DCAF6: variants seen among roughly 807,000 people sequenced by gnomAD.
DCAF6 encodes DDB1- and CUL4-associated factor 6.
In DCAF6, 54 loss-of-function variants were observed where a neutral mutation model predicts 125.1. The ratio of observed to expected loss-of-function variants is 0.43; its 90% CI spans 0.35 to 0.54. DCAF6 has a LOEUF of 0.54. DCAF6 is among the 20% of genes least tolerant of loss of function. The pLI is 0.01. For missense variants in DCAF6, 934 were observed against 1,161.7 expected (o/e 0.80, Z 2.85); for synonymous variants, 371 against 390.4 (o/e 0.95, Z 0.58).
At chr1:167,965,867 T>C (rs1676337585) in intron 2 of DCAF6, among the ~76,000 whole-genome samples, 1 of 152,160 alleles carries the variant, frequency 6.6e-6, no homozygotes, top group African/African-American at 2.4e-5. Flanking sequence ...ACCTCTGACA[T>C]CAGGTGATCC....
intron 8 of DCAF6, among the ~76,000 whole-genome samples, chr1:168,003,018 TGAAAATA>T (rs1372207269): frequency 2.0e-5 from 3 of 152,162 alleles, no homozygotes; most frequent in African/African-American, 7.2e-5. Context: ...ATAGCACACT[TGAAAATA>T]GAATTAATCT....
the DCAF6 span, among the ~76,000 whole-genome samples, chr1:167,902,396 T>C: frequency 3.9e-5 from 6 of 152,230 alleles, no homozygotes; most frequent in East Asian, 1.9e-4. Context: ...ATATATGTTA[T>C]AGGCTGGGGC....
At chr1:167,939,154 T>A (rs910489391) in intron 1 of DCAF6, among the ~76,000 whole-genome samples, 2 of 152,212 alleles carry the variant, frequency 1.3e-5, no homozygotes, top group Admixed American at 6.5e-5. Flanking sequence ...TTTACACTGT[T>A]ATTCAGCTCT....
At chr1:167,882,513 C>T in the DCAF6 span, among the ~76,000 whole-genome samples, 44 of 145,458 alleles carry the variant, frequency 3.0e-4, no homozygotes, top group African/African-American at 1.1e-3. Flanking sequence ...AAGAACAGAG[C>T]GAAAACACCT....
At chr1:167,920,524 C>G in the DCAF6 span, 3 of 1,606,840 alleles carry the variant, frequency 1.9e-6, no homozygotes, top group Non-Finnish European at 1.7e-6. Context: ...ACAAGAAACA[C>G]AGAAGATATT....
intron 11 of DCAF6, among the ~76,000 whole-genome samples, chr1:168,019,151 T>G (rs1571963422): frequency 6.6e-6 from 1 of 151,464 alleles, no homozygotes; most frequent in Middle Eastern, 3.4e-3. Context: ...CGGGTTCAAG[T>G]GATTCTCTTG....
intron 11 of DCAF6, 136 bp from the exon 12 acceptor site, chr1:168,022,852 C>A: frequency 1.3e-6 from 1 of 761,166 alleles, no homozygotes. Context: ...TTACTCACTG[C>A]TTGGGAATCA....
In DCAF6 at chr1:168,038,285, C is replaced by G. The variant is rs139688445; in HGVS notation, c.1610-86C>G. 1.8e-4 allele frequency: 175 copies of G among 962,238 alleles called. 1 individual carries two copies. In the East Asian group the frequency reaches 4.4e-3, roughly 24 times the overall value. 59.6% of individuals were successfully genotyped at this position (962,238 alleles called of 1,614,324 possible). A position where few individuals can be genotyped will look rare whatever the true frequency, so the allele number is the denominator to read the frequency against. ...AAAAAAGAATTATGACAAGGACAAC[C>G]TAATATAAGTTTTATAAATTTTAGG... On this transcript the variant is annotated intron_variant, in intron 12 of 21. Coordinates refer to ENST00000367840, the MANE Select transcript of DCAF6 (RefSeq NM_001198956.2).
chr1:167,899,231 C>T, the DCAF6 span, among the ~76,000 whole-genome samples: 1 of 152,206 alleles, frequency 6.6e-6, no homozygotes, highest in African/African-American at 2.4e-5. Flanking sequence ...ATTTCCTCCT[C>T]AAGCTCACCA....
chr1:167,880,734 T>C, the DCAF6 span: 2 of 742,294 alleles, frequency 2.7e-6, no homozygotes, highest in Non-Finnish European at 4.9e-6. Context: ...TCATGATTTC[T>C]CTCACAGTAT....
the DCAF6 span, among the ~76,000 whole-genome samples, chr1:167,867,031 C>T: frequency 6.6e-6 from 1 of 152,200 alleles, no homozygotes; most frequent in African/African-American, 2.4e-5. Flanking sequence ...CTAATGAATG[C>T]TAGACTAACT....
chr1:167,885,279 ATTTCT>A, the DCAF6 span, among the ~76,000 whole-genome samples: 2 of 152,060 alleles, frequency 1.3e-5, no homozygotes, highest in African/African-American at 4.8e-5. Flanking sequence ...CAATATATTG[ATTTCT>A]TTTCTTTTGA....
upstream of DCAF6, chr1:167,935,675 C>A: frequency 2.1e-6 from 3 of 1,426,854 alleles, no homozygotes; most frequent in Non-Finnish European, 2.9e-6. Flanking sequence ...TCTAAAAGGT[C>A]CATTTTAGAG....
chr1:167,925,052 T>C, the DCAF6 span, among the ~76,000 whole-genome samples: 3,757 of 152,288 alleles, frequency 0.025, 59 homozygotes, highest in Middle Eastern at 0.051. Flanking sequence ...CACCAGATAG[T>C]GCAAACTACT....
intron 12 of DCAF6, among the ~76,000 whole-genome samples, chr1:168,033,378 C>G (rs991453656): frequency 2.7e-5 from 4 of 148,778 alleles, no homozygotes; most frequent in Non-Finnish European, 4.4e-5. Flanking sequence ...TGCAGTGGCG[C>G]AATCTCGGCT....
At chr1:167,904,615 AG>A in the DCAF6 span, 5 of 517,908 alleles carry the variant, frequency 9.7e-6, no homozygotes, top group Non-Finnish European at 1.4e-5. Context: ...ACTTCTGAAG[AG>A]GTGGCAAGTT....
intron 12 of DCAF6, among the ~76,000 whole-genome samples, chr1:168,033,852 C>A (rs1290109653): frequency 6.6e-6 from 1 of 152,212 alleles, no homozygotes; most frequent in Non-Finnish European, 1.5e-5. Context: ...GAATCGCTAT[C>A]TAAAAACTTA....
the DCAF6 span, among the ~76,000 whole-genome samples, chr1:167,929,042 A>T: frequency 0.016 from 2,442 of 152,308 alleles, 55 homozygotes; most frequent in African/African-American, 0.052. Flanking sequence ...CAATTTAGAA[A>T]CATTAAACAA....
chr1:167,918,136 T>C, the DCAF6 span: 1 of 487,994 alleles, frequency 2.0e-6, no homozygotes, highest in Non-Finnish European at 3.6e-6. Context: ...CATAGATAAG[T>C]TCCTTAAGTC....
Sources: gnomAD v4.1 joint callset for allele counts (sites outside exome capture counted in the v4.1 genomes callset) on GRCh38, gnomAD v4.1.1 for gene constraint, MANE v1.5 for transcripts, NCBI Gene and HGNC (gene_info 2026-07-23, HGNC 2026-07-21) for gene names.